Variants in PLEKHA5 observed in about 807,000 individuals in gnomAD.
The protein encoded by PLEKHA5 is pleckstrin homology domain containing A5.
Under a neutral mutation model 181.9 loss-of-function variants are expected in PLEKHA5, and 55 were observed. The observed-to-expected ratio is 0.30, with a 90% CI of 0.24 to 0.38. PLEKHA5 has a LOEUF of 0.38. PLEKHA5 is among the 10% of genes least tolerant of loss of function. The pLI is 1.00. For missense variants in PLEKHA5, 1,432 were observed against 1,549.5 expected, an observed-to-expected ratio of 0.92 and a Z score of 1.27; for synonymous variants, 535 against 529.4, an observed-to-expected ratio of 1.01 and a Z score of -0.15.
Position 19,270,196 on chromosome 12 carries a change from T to C in PLEKHA5, c.836T>C (p.Phe279Ser). The C allele has an allele frequency of 6.8e-7, 1 of 1,463,696 alleles. No individual in the cohort carries two copies. The highest frequency in any genetic ancestry group is 2.4e-5 in the Admixed American group (1 of 41,398). 90.7% of individuals were successfully genotyped at this position (1,463,696 alleles called of 1,614,324 possible). ...VQTEPVKRITFNFRVDKITSE... is the reference protein window; with the variant it reads ...VQTEPVKRITSNFRVDKITSE... ...GTTCTTTCTTCTTACAGAATTACCT[T>C]TAATTTCCGGTGAGTACGTTTTTAA... The change falls in exon 10 of 32, where the codon TTT becomes TCT. Residue 279 changes from phenylalanine (F) to serine (S), a missense_variant. This residue lies in a region of PLEKHA5 where 289 missense variants were observed against 381.1 expected (regional missense o/e 0.76). Coordinates refer to ENST00000429027, the MANE Select transcript of PLEKHA5 (RefSeq NM_001256470.2).
chr12:19,265,731 A>ATGT lies in PLEKHA5; in HGVS notation c.611-17_611-15dup. ...TAAGAACATTTAAAATTCTAATCAG[A>ATGT]TGTTAAATTATCTCTTAGATGAGAA... On this transcript the variant is annotated intron_variant, in intron 7 of 31. Transcript: ENST00000429027. The ATGT allele has an allele frequency of 7.7e-7, 1 of 1,299,108 alleles. No homozygotes were observed. The allele number at this position is 1,299,108 out of a possible 1,614,324, so 80.5% of individuals were successfully genotyped here. A position where few individuals can be genotyped will look rare whatever the true frequency, so the allele number is the denominator to read the frequency against.
intron 30 of PLEKHA5, among the ~76,000 whole-genome samples, chr12:19,367,566 T>A (rs1317907596): frequency 1.3e-5 from 2 of 151,452 alleles, no homozygotes; most frequent in Non-Finnish European, 2.9e-5. Flanking sequence ...GCTTTGCTTC[T>A]TTTTTATTTT....
At chr12:19,287,150 A>G (rs571863344) in intron 12 of PLEKHA5, among the ~76,000 whole-genome samples, 3 of 152,018 alleles carry the variant, frequency 2.0e-5, no homozygotes, top group Admixed American at 2.0e-4. Flanking sequence ...GGCCCACGCC[A>G]CCACACCTGG....
chr12:19,130,189 C>T lies in PLEKHA5; in HGVS notation c.169+59C>T. On this transcript the variant is annotated intron_variant, in intron 2 of 31. Coordinates refer to ENST00000429027, the MANE Select transcript of PLEKHA5 (RefSeq NM_001256470.2). The surrounding 1 kb of genome is among the most constrained non-coding windows in gnomAD (Gnocchi z 4.5). Reference sequence around the variant, plus strand: ...CTGGAGGAGGCGGCAGAGCCCGGGCCGCCCGGCTCCCCGCAACCTGCCCCG... The same window carrying T: ...CTGGAGGAGGCGGCAGAGCCCGGGCTGCCCGGCTCCCCGCAACCTGCCCCG... The T allele has an allele frequency of 1.1e-5, 13 of 1,183,016 alleles. No homozygotes were observed. The highest frequency in any genetic ancestry group is 1.3e-5 in the Non-Finnish European group (11 of 866,764). 73.3% of individuals were successfully genotyped at this position (1,183,016 alleles called of 1,614,324 possible). A position where few individuals can be genotyped will look rare whatever the true frequency, so the allele number is the denominator to read the frequency against.
intron 16 of PLEKHA5, among the ~76,000 whole-genome samples, chr12:19,317,745 G>A (rs1310966925): frequency 2.0e-5 from 3 of 150,744 alleles, no homozygotes; most frequent in South Asian, 2.1e-4. Context: ...AAATGGTTCC[G>A]ACATCCTAAA....
In PLEKHA5 at chr12:19,360,079, C is replaced by G. The variant is rs548536478; in HGVS notation, c.3483+533C>G. Among the ~76,000 whole-genome samples the G allele has an allele frequency of 4.5e-4, 68 of 152,106 alleles. 1 individual carries two copies. The highest frequency in any genetic ancestry group is 7.5e-4 in the Non-Finnish European group (51 of 67,994). On this transcript the variant is annotated intron_variant, in intron 28 of 31. Transcript: ENST00000429027. ...GGGCACGGTGGCTGGTGTGTGTAATCCCAGCACTTTGAGAAGCTGAGGCAG... is the reference window on the plus strand; with the variant it reads ...GGGCACGGTGGCTGGTGTGTGTAATGCCAGCACTTTGAGAAGCTGAGGCAG...
intron 3 of PLEKHA5, among the ~76,000 whole-genome samples, chr12:19,219,580 A>G (rs2058607635): frequency 6.6e-6 from 1 of 151,522 alleles, no homozygotes; most frequent in Non-Finnish European, 1.5e-5. Flanking sequence ...TTGTTACTAT[A>G]CATTGAATAC....
At chr12:19,170,008 G>T (rs1289828443) in intron 3 of PLEKHA5, among the ~76,000 whole-genome samples, 1 of 152,198 alleles carries the variant, frequency 6.6e-6, no homozygotes, top group African/African-American at 2.4e-5. Flanking sequence ...TATTTAGTCA[G>T]TACTTATTAT....
intron 3 of PLEKHA5, among the ~76,000 whole-genome samples, chr12:19,180,496 CAGAT>C (rs2048294916): frequency 6.6e-6 from 1 of 152,170 alleles, no homozygotes; most frequent in Admixed American, 6.5e-5. Flanking sequence ...TGGCAATAAG[CAGAT>C]AGGGAACAAT....
chr12:19,239,209 C>T (rs950798838), intron 3 of PLEKHA5, among the ~76,000 whole-genome samples: 3 of 152,084 alleles, frequency 2.0e-5, no homozygotes, highest in Non-Finnish European at 2.9e-5. Context: ...GTAGAGATTC[C>T]ATCTTCACTC....
chr12:19,135,015 G>A (rs2035189416), intron 3 of PLEKHA5, among the ~76,000 whole-genome samples: 1 of 152,076 alleles, frequency 6.6e-6, no homozygotes, highest in Admixed American at 6.6e-5. Flanking sequence ...TGTTCACATG[G>A]GAAGTGGAAA....
At chr12:19,211,014 C>T (rs7399293) in intron 3 of PLEKHA5, among the ~76,000 whole-genome samples, 14,180 of 151,882 alleles carry the variant, frequency 0.093, 819 homozygotes, top group Admixed American at 0.19. Context: ...GAAACTTAGC[C>T]GTGTATTTTA....
At chr12:19,239,549 A>G (rs1458139848) in intron 3 of PLEKHA5, among the ~76,000 whole-genome samples, 3 of 152,224 alleles carry the variant, frequency 2.0e-5, no homozygotes, top group African/African-American at 7.2e-5. Context: ...CATAAAGTGC[A>G]TTACTATCTG....
At chr12:19,213,305 GAA>G (rs11314206) in intron 3 of PLEKHA5, among the ~76,000 whole-genome samples, 22 of 150,908 alleles carry the variant, frequency 1.5e-4, no homozygotes, top group South Asian at 4.2e-4. Context: ...TGGTTTCTTT[GAA>G]AAAAAAAAAT....
chr12:19,332,592 T>A (rs2092956248), intron 20 of PLEKHA5, among the ~76,000 whole-genome samples: 1 of 152,138 alleles, frequency 6.6e-6, no homozygotes, highest in African/African-American at 2.4e-5. Context: ...TAGCCTCAAG[T>A]GATCCTCCCC....
intron 3 of PLEKHA5, among the ~76,000 whole-genome samples, chr12:19,145,003 C>T (rs938235335): frequency 6.6e-6 from 1 of 152,170 alleles, no homozygotes; most frequent in South Asian, 2.1e-4. Flanking sequence ...GGCTAGATTA[C>T]TTTGCACAAT....
At chr12:19,138,614 A>G (rs1053176576) in intron 3 of PLEKHA5, among the ~76,000 whole-genome samples, 1 of 151,580 alleles carries the variant, frequency 6.6e-6, no homozygotes, top group Non-Finnish European at 1.5e-5. Flanking sequence ...AGTCATAAGA[A>G]TTCAGAGGAG....
At chr12:19,241,588 C>A (rs918369803) in intron 3 of PLEKHA5, among the ~76,000 whole-genome samples, 1 of 152,064 alleles carries the variant, frequency 6.6e-6, no homozygotes. Flanking sequence ...AAAACCCCGT[C>A]TCTACTAAAA....
chr12:19,286,121 C>G (rs1196651633), intron 12 of PLEKHA5, among the ~76,000 whole-genome samples: 1 of 152,198 alleles, frequency 6.6e-6, no homozygotes, highest in African/African-American at 2.4e-5. Flanking sequence ...CTGAACTTGA[C>G]AGCTTTCCGG....
Sources: gnomAD v4.1 joint callset for allele counts (sites outside exome capture counted in the v4.1 genomes callset) on GRCh38, gnomAD v4.1.1 for gene constraint, gnomAD v4.1.1 regional missense constraint, Gnocchi (gnomAD v3.1) non-coding constraint, MANE v1.5 for transcripts, NCBI Gene and HGNC (gene_info 2026-07-23, HGNC 2026-07-21) for gene names.